Variants in NR3C2 observed in about 807,000 individuals in gnomAD.
NR3C2 encodes mineralocorticoid receptor.
Under a neutral mutation model 86.4 loss-of-function variants are expected in NR3C2, and 15 were observed. That is an observed-to-expected ratio of 0.17 (90% CI 0.12 to 0.27). The LOEUF (loss-of-function observed/expected upper bound fraction) is 0.27, where lower values mean the gene tolerates loss of function less well. Among genes scored for constraint, NR3C2 ranks in the 10% least tolerant of loss-of-function variants. The pLI is 1.00. For missense variants in NR3C2, 960 were observed against 1,195.6 expected (o/e 0.80, Z 2.91); for synonymous variants, 458 against 450.5 (o/e 1.02, Z -0.21).
At chr4:148,235,047 C>G (rs1472954996) in intron 3 of NR3C2, among the ~76,000 whole-genome samples, 1 of 151,890 alleles carries the variant, frequency 6.6e-6, no homozygotes, top group African/African-American at 2.4e-5. Flanking sequence ...GTCAATAAAT[C>G]GCATTTAAAA....
chr4:148,283,215 G>C (rs776203938), intron 2 of NR3C2, among the ~76,000 whole-genome samples: 1 of 152,164 alleles, frequency 6.6e-6, no homozygotes, highest in African/African-American at 2.4e-5. Flanking sequence ...GCCTAAGAGT[G>C]GGGTCAGGTA....
At chr4:148,358,046 T>C (rs1188444622) in intron 2 of NR3C2, among the ~76,000 whole-genome samples, 1 of 152,204 alleles carries the variant, frequency 6.6e-6, no homozygotes, top group African/African-American at 2.4e-5. Context: ...ATCTCACCAT[T>C]GTGGAAGTCA....
At chr4:148,348,992 C>G (rs193040483) in intron 2 of NR3C2, among the ~76,000 whole-genome samples, 1 of 152,122 alleles carries the variant, frequency 6.6e-6, no homozygotes, top group African/African-American at 2.4e-5. Flanking sequence ...ATTAGTATTA[C>G]CAAGCACAAG....
At chr4:148,136,064 A>AAAAC (rs1733305679) in intron 6 of NR3C2, among the ~76,000 whole-genome samples, 1 of 58,892 alleles carries the variant, frequency 1.7e-5, no homozygotes, top group African/African-American at 4.9e-5. Flanking sequence ...CTCAAAAAAA[A>AAAAC]AAAAAAAAAA....
intron 2 of NR3C2, among the ~76,000 whole-genome samples, chr4:148,431,915 G>T (rs1366050208): frequency 6.6e-6 from 1 of 152,088 alleles, no homozygotes; most frequent in African/African-American, 2.4e-5. Context: ...AAGTATGAAG[G>T]ATCCCAAAGA....
chr4:148,269,551 C>A (rs1361730478), intron 2 of NR3C2, among the ~76,000 whole-genome samples: 2 of 152,126 alleles, frequency 1.3e-5, no homozygotes, highest in Non-Finnish European at 2.9e-5. Flanking sequence ...AACATCAAAT[C>A]ATCTCTAGAA....
chr4:148,263,587 C>T (rs974520702), intron 2 of NR3C2, among the ~76,000 whole-genome samples: 2 of 152,280 alleles, frequency 1.3e-5, no homozygotes, highest in East Asian at 1.9e-4. Flanking sequence ...TCATCCCTTC[C>T]GAATGCCACC....
At chr4:148,164,875 A>C (rs1381902822) in intron 4 of NR3C2, among the ~76,000 whole-genome samples, 1 of 152,218 alleles carries the variant, frequency 6.6e-6, no homozygotes, top group Non-Finnish European at 1.5e-5. Context: ...GGCCTTCCCA[A>C]GTTCTAGCAT....
At chr4:148,197,174 CT>C (rs2149804681) in intron 3 of NR3C2, among the ~76,000 whole-genome samples, 1 of 152,238 alleles carries the variant, frequency 6.6e-6, no homozygotes, top group East Asian at 1.9e-4. Flanking sequence ...TACTGTTGGT[CT>C]AATAAGACAT....
chr4:148,315,460 G>A (rs1226936219), intron 2 of NR3C2, among the ~76,000 whole-genome samples: 1 of 152,080 alleles, frequency 6.6e-6, no homozygotes, highest in Non-Finnish European at 1.5e-5. Flanking sequence ...CAAAACCAAT[G>A]TTTCTTCACA....
intron 4 of NR3C2, among the ~76,000 whole-genome samples, chr4:148,185,929 T>G (rs541526664): frequency 2.0e-5 from 3 of 152,318 alleles, no homozygotes; most frequent in Admixed American, 6.5e-5. Context: ...AATGAGTATT[T>G]AATGTAGAGA....
At chr4:148,109,376 A>C (rs1731948373) in intron 8 of NR3C2, among the ~76,000 whole-genome samples, 1 of 152,156 alleles carries the variant, frequency 6.6e-6, no homozygotes, top group Admixed American at 6.5e-5. Flanking sequence ...TTAGACACTC[A>C]AGTATTTGTT....
At chr4:148,442,823 T>G (rs531612979), upstream of NR3C2, 17 of 985,388 alleles carry the variant, frequency 1.7e-5, no homozygotes, top group Admixed American at 8.0e-4. Context: ...CGCCCCAAAC[T>G]TGCTTACGTC....
intron 6 of NR3C2, among the ~76,000 whole-genome samples, chr4:148,127,548 A>G (rs1010831290): frequency 6.6e-6 from 1 of 152,252 alleles, no homozygotes; most frequent in African/African-American, 2.4e-5. Context: ...TTACTGATGT[A>G]GAAAACAGCC....
rs57083634 is a variant in NR3C2, at chr4:148,211,482, C to T, written c.1898-16620G>A. Among the ~76,000 whole-genome samples, 378 of 152,078 alleles carry T rather than the reference C, an allele frequency of 2.5e-3. 13 individuals are homozygous for T. The East Asian group carries it at 0.059, about 24-fold the overall frequency. ...GTTCTAGATGTTTTTAAGGAGGCTA[C>T]TTATGTATTTATTTTTATGTTGCAA... On this transcript the variant is annotated intron_variant, in intron 3 of 8. Coordinates refer to ENST00000358102, the MANE Select transcript of NR3C2 (RefSeq NM_000901.5).
intron 8 of NR3C2, among the ~76,000 whole-genome samples, chr4:148,107,898 T>C (rs1172228188): frequency 6.6e-6 from 1 of 152,054 alleles, no homozygotes; most frequent in Non-Finnish European, 1.5e-5. Context: ...CTAATGCATG[T>C]GGGGCTTAAA....
intron 3 of NR3C2, among the ~76,000 whole-genome samples, chr4:148,223,117 C>T (rs370063315): frequency 1.4e-4 from 21 of 152,078 alleles, no homozygotes; most frequent in East Asian, 5.8e-4. Context: ...AAAAGGACTC[C>T]GGTTCCAGCT....
rs1730512325 is a variant in NR3C2 at position 148,080,833 on chromosome 4, G to A, written c.*511C>T. On this transcript the variant is annotated 3_prime_UTR_variant, in exon 9 of 9. Coordinates refer to ENST00000358102, the MANE Select transcript of NR3C2 (RefSeq NM_000901.5). Reference sequence around the variant, plus strand: ...AGGCAGCTGCTGCCCCACGCCACGAGTTCTGTTATTACACAACAGGAATCT... The same window carrying A: ...AGGCAGCTGCTGCCCCACGCCACGAATTCTGTTATTACACAACAGGAATCT... The A allele has an allele frequency of 2.4e-6, 1 of 423,400 alleles. No homozygotes were observed. The highest frequency in any genetic ancestry group is 2.0e-5 in the African/African-American group (1 of 49,084). 26.2% of individuals were successfully genotyped at this position (423,400 alleles called of 1,614,324 possible). A position where few individuals can be genotyped will look rare whatever the true frequency, so the allele number is the denominator to read the frequency against.
chr4:148,094,420 C>T (rs529627025), intron 8 of NR3C2, among the ~76,000 whole-genome samples: 173 of 152,242 alleles, frequency 1.1e-3, no homozygotes, highest in Non-Finnish European at 2.0e-3. Flanking sequence ...GATATTTGTA[C>T]ATAAGTGTTC....
Sources: gnomAD v4.1 joint callset for allele counts (sites outside exome capture counted in the v4.1 genomes callset) on GRCh38, gnomAD v4.1.1 for gene constraint, MANE v1.5 for transcripts, NCBI Gene and HGNC (gene_info 2026-07-23, HGNC 2026-07-21) for gene names.